The following CPS1 variants were observed in gnomAD, a reference collection of about 807,000 sequenced individuals.
The protein encoded by CPS1 is carbamoyl-phosphate synthase 1, also known as carbamoyl-phosphate synthase [ammonia], mitochondrial.
In CPS1, 109 loss-of-function variants were observed where a neutral mutation model predicts 174.6. The observed-to-expected ratio is 0.62, with a 90% CI of 0.53 to 0.73. The LOEUF is 0.73. Ranked by LOEUF, CPS1 falls within the 30% of genes least tolerant of loss-of-function variation. The pLI is 0.00. For missense variants in CPS1, 1,689 were observed against 1,821.9 expected (o/e 0.93, Z 1.33); for synonymous variants, 637 against 632.0 (o/e 1.01, Z -0.12).
chr2:210,593,828 C>T (rs1429849068), intron 11 of CPS1, among the ~76,000 whole-genome samples: 1 of 151,766 alleles, frequency 6.6e-6, no homozygotes, highest in Admixed American at 6.6e-5. Context: ...ATTATATTAC[C>T]AACCCATGAT....
At position 210,612,306 on chromosome 2, in the gene CPS1, A is replaced by C. The variant is rs1375425770; in HGVS notation, c.2568+13A>C. On this transcript the variant is annotated intron_variant, in intron 20 of 37. Transcript: ENST00000233072. ...TGCCATTGCCAAGGTAAGATGTTAC[A>C]AGGGGCCCACAGCTACTAGTTGCTT... is the stretch of plus-strand genomic sequence containing the variant. The C allele has an allele frequency of 6.2e-7, 1 of 1,611,470 alleles. No homozygotes were observed.
intron 11 of CPS1, chr2:210,593,259 G>A (rs1219618263): frequency 2.5e-6 from 2 of 784,730 alleles, no homozygotes; most frequent in Non-Finnish European, 3.5e-6. Flanking sequence ...CTATGCAAAT[G>A]AATTCCCTTT....
intron 21 of CPS1, among the ~76,000 whole-genome samples, chr2:210,625,829 A>G (rs1699683598): frequency 6.6e-6 from 1 of 152,082 alleles, no homozygotes; most frequent in South Asian, 2.1e-4. Context: ...CTACTCAGGA[A>G]CTGACAAATT....
At chr2:210,541,184 A>G (rs567478593) in intron 1 of CPS1, among the ~76,000 whole-genome samples, 7 of 152,322 alleles carry the variant, frequency 4.6e-5, no homozygotes, top group Admixed American at 1.3e-4. Flanking sequence ...TATTACAAGC[A>G]TCTTTATTGA....
Position 210,586,805 on chromosome 2 carries a change from A to C in CPS1, c.622-1253A>C, listed in dbSNP as rs1024047582. ...GCAATTAAATAATATTACTATAGCT[A>C]TGATAAAATGCGTATTTGTATCAGG... On this transcript the variant is annotated intron_variant, in intron 6 of 37. Transcript: ENST00000233072. Among the ~76,000 whole-genome samples, 3 of 152,188 alleles carry C rather than the reference A, an allele frequency of 2.0e-5. No individual in the cohort carries two copies. The East Asian group carries it at 5.8e-4, about 29-fold the overall frequency.
chr2:210,598,242 C>T (rs1337248111), intron 13 of CPS1, among the ~76,000 whole-genome samples: 1 of 151,816 alleles, frequency 6.6e-6, no homozygotes, highest in African/African-American at 2.4e-5. Context: ...AAGACCACTA[C>T]CAGCTAATAC....
chr2:210,533,106 C>T (rs953222011), intron 1 of CPS1, among the ~76,000 whole-genome samples: 2 of 151,974 alleles, frequency 1.3e-5, no homozygotes, highest in African/African-American at 4.8e-5. Flanking sequence ...AGTAGTGTGA[C>T]CATGAAGGAC....
chr2:210,477,686 T>C lies in CPS1; in HGVS notation c.-78T>C, dbSNP rs1009029781. ...TCCCTCCCCACACCCAGGTTTGCTC[T>C]TTTAAAATAGTTGCTTTCTTAGGAA... is the stretch of plus-strand genomic sequence containing the variant. On this transcript the variant is annotated 5_prime_UTR_variant, in exon 1 of 39. Transcript: ENST00000430249. 4.4e-6 allele frequency: 7 copies of C among 1,594,290 alleles called. No homozygotes were observed. The African/African-American group carries it at 9.4e-5, about 21-fold the overall frequency.
At chr2:210,625,221 A>G (rs1699662321) in intron 21 of CPS1, among the ~76,000 whole-genome samples, 1 of 151,974 alleles carries the variant, frequency 6.6e-6, no homozygotes, top group African/African-American at 2.4e-5. Context: ...GTCATTATTT[A>G]TTGGGTATCT....
At position 210,639,978 on chromosome 2, in the gene CPS1, CT is replaced by C; in HGVS notation, c.2896-14del. 6.3e-7 allele frequency: 1 copy of C among 1,589,344 alleles called. No individual in the cohort carries two copies. The highest frequency in any genetic ancestry group is 8.6e-7 in the Non-Finnish European group (1 of 1,158,536). On this transcript the variant is annotated splice_polypyrimidine_tract_variant and intron_variant, in intron 23 of 37. Coordinates refer to ENST00000233072, the MANE Select transcript of CPS1 (RefSeq NM_001875.5). ...AACACTTAATGATTTCTGCATCTTC[CT>C]TTTCTTATTTCCTCAGGAGCATGAT... is the stretch of plus-strand genomic sequence containing the variant.
At chr2:210,665,316 CT>C in intron 33 of CPS1, among the ~76,000 whole-genome samples, 1 of 148,706 alleles carries the variant, frequency 6.7e-6, no homozygotes, top group Middle Eastern at 3.4e-3. Flanking sequence ...TTTTTTTTTT[CT>C]TTTTTTTCTT....
intron 5 of CPS1, among the ~76,000 whole-genome samples, chr2:210,581,018 C>A (rs1269690363): frequency 6.6e-6 from 1 of 151,978 alleles, no homozygotes; most frequent in East Asian, 1.9e-4. Flanking sequence ...ATACCCATGA[C>A]CAGAAGGAAG....
rs563304664 is a variant in CPS1, at chr2:210,606,723, A to C, written c.1982-8A>C. ...CCACCAAGTAATGAGTGCTTCTTGG[A>C]TATATAGGTGACTCAGTTGTTGTGG... On this transcript the variant is annotated splice_region_variant and splice_polypyrimidine_tract_variant and intron_variant, in intron 17 of 37. Coordinates refer to ENST00000233072, the MANE Select transcript of CPS1 (RefSeq NM_001875.5). 1 of 1,611,998 alleles carries C rather than the reference A, an allele frequency of 6.2e-7. No homozygotes were observed. Among genetic ancestry groups the C allele is most frequent in the Admixed American group, 1.7e-5 (1 of 59,798 alleles).
At chr2:210,612,340 T>G in intron 20 of CPS1, 47 bp downstream of exon 20, 1 of 1,600,102 alleles carries the variant, frequency 6.2e-7, no homozygotes, top group South Asian at 1.1e-5. Context: ...TTTTCCAGAA[T>G]GTAGTCAGTC....
rs549877798 is a variant in CPS1, at chr2:210,606,665, G to T, written c.1982-66G>T. On this transcript the variant is annotated intron_variant, in intron 17 of 37. Transcript: ENST00000233072. ...TATGTCTTGCATCGTGCAAGTAGATGGTTAAGTCGCTGAAGTTGGTTATTT... is the reference window on the plus strand; with the variant it reads ...TATGTCTTGCATCGTGCAAGTAGATTGTTAAGTCGCTGAAGTTGGTTATTT... 6.3e-6 allele frequency: 9 copies of T among 1,426,278 alleles called. No homozygotes were observed. The African/African-American group carries it at 1.1e-4, about 18-fold the overall frequency. 88.4% of individuals were successfully genotyped at this position (1,426,278 alleles called of 1,614,324 possible). A position where few individuals can be genotyped will look rare whatever the true frequency, so the allele number is the denominator to read the frequency against.
chr2:210,660,966 G>C (rs1039467416), intron 32 of CPS1, among the ~76,000 whole-genome samples: 1 of 152,162 alleles, frequency 6.6e-6, no homozygotes, highest in African/African-American at 2.4e-5. Context: ...AGAAATCCAG[G>C]ACACACCTTG....
chr2:210,511,288 A>G (rs1373336109), intron 1 of CPS1, among the ~76,000 whole-genome samples: 1 of 152,084 alleles, frequency 6.6e-6, no homozygotes, highest in South Asian at 2.1e-4. Context: ...AGGAGAAAAA[A>G]CCAAACACCG....
Position 210,512,980 on chromosome 2 carries a change from A to C in CPS1, c.3+35214A>C, listed in dbSNP as rs1288740053. ...GATATATATATGGAGATATATATAT[A>C]TGGAGAGATATATATATGGAGATAT... On this transcript the variant is annotated intron_variant, in intron 1 of 38. Transcript: ENST00000430249. Among the ~76,000 whole-genome samples the C allele has an allele frequency of 1.4e-3, 36 of 25,536 alleles. 8 individuals carry two copies. Among genetic ancestry groups the C allele is most frequent in the Middle Eastern group, 0.091 (2 of 22 alleles). 16.8% of individuals were successfully genotyped at this position (25,536 alleles called of 152,430 possible). A position where few individuals can be genotyped will look rare whatever the true frequency, so the allele number is the denominator to read the frequency against.
At chr2:210,559,223 A>T (rs72934381) in intron 1 of CPS1, among the ~76,000 whole-genome samples, 2 of 152,226 alleles carry the variant, frequency 1.3e-5, no homozygotes, top group Non-Finnish European at 2.9e-5. Flanking sequence ...GAGAACAGTC[A>T]CTTTAAAGGT....
Sources: allele counts gnomAD v4.1 joint callset (sites outside exome capture counted in the v4.1 genomes callset), GRCh38; gene constraint gnomAD v4.1.1; transcripts MANE v1.5; gene names NCBI Gene and HGNC (gene_info 2026-07-23, HGNC 2026-07-21).